CSTF3: variants seen among roughly 807,000 people sequenced by gnomAD.
CSTF3 encodes CF-1 77 kDa subunit.
Under a neutral mutation model 105.8 loss-of-function variants are expected in CSTF3, and 29 were observed. The ratio of observed to expected loss-of-function variants is 0.27; its 90% CI spans 0.20 to 0.37. CSTF3 has a LOEUF of 0.37. CSTF3 is among the 10% of genes least tolerant of loss of function. The pLI is 1.00. For missense variants in CSTF3, 357 were observed against 879.3 expected (o/e 0.41, Z 7.51); for synonymous variants, 252 against 281.9 (o/e 0.89, Z 1.06).
chr11:33,134,347 A>G (rs1855631100), intron 3 of CSTF3: 1 of 152,236 alleles, frequency 6.6e-6, no homozygotes, highest in South Asian at 2.1e-4. Flanking sequence ...CTAAATAATC[A>G]AAGTTTTAAG....
At chr11:33,094,601 T>A (rs1159055183) in intron 15 of CSTF3, among the ~76,000 whole-genome samples, 2 of 152,042 alleles carry the variant, frequency 1.3e-5, no homozygotes, top group Non-Finnish European at 2.9e-5. Context: ...TAAAAAAAAA[T>A]TAGGCAAAAC....
chr11:33,145,609 A>C (rs994895699), intron 1 of CSTF3, among the ~76,000 whole-genome samples: 1 of 151,926 alleles, frequency 6.6e-6, no homozygotes, highest in Admixed American at 6.6e-5. Context: ...TCAGGAGAAC[A>C]GAAACCATCC....
intron 3 of CSTF3, among the ~76,000 whole-genome samples, chr11:33,135,572 T>A (rs537529349): frequency 7.0e-4 from 106 of 152,254 alleles, no homozygotes; most frequent in Non-Finnish European, 1.5e-3. Flanking sequence ...GCTCCAGGGA[T>A]AACAATGTCT....
At chr11:33,131,569 G>T (rs1001575889) in intron 3 of CSTF3, among the ~76,000 whole-genome samples, 2 of 152,136 alleles carry the variant, frequency 1.3e-5, no homozygotes, top group Non-Finnish European at 2.9e-5. Context: ...TGAACAGGCC[G>T]GGTGCGGTGG....
intron 3 of CSTF3, among the ~76,000 whole-genome samples, chr11:33,138,522 C>T (rs577150762): frequency 6.6e-6 from 1 of 151,946 alleles, no homozygotes; most frequent in Non-Finnish European, 1.5e-5. Context: ...TGTTTAAAAC[C>T]TCTCATTTAT....
At chr11:33,102,977 G>C in intron 9 of CSTF3, 130 bp downstream of exon 9, 1 of 609,724 alleles carries the variant, frequency 1.6e-6, no homozygotes, top group Non-Finnish European at 2.9e-6. Context: ...CATCTCCTCA[G>C]ACTTTGCAAT....
At chr11:33,129,633 C>A (rs1161576191) in intron 3 of CSTF3, among the ~76,000 whole-genome samples, 1 of 152,172 alleles carries the variant, frequency 6.6e-6, no homozygotes, top group African/African-American at 2.4e-5. Flanking sequence ...TTTTTGGGAA[C>A]TTTTAAGGAC....
At chr11:33,151,758 T>C (rs1321155009) in intron 1 of CSTF3, among the ~76,000 whole-genome samples, 2 of 152,236 alleles carry the variant, frequency 1.3e-5, no homozygotes, top group Non-Finnish European at 2.9e-5. Flanking sequence ...GTAACTCTTA[T>C]GTTTTACCTT....
intron 3 of CSTF3, among the ~76,000 whole-genome samples, chr11:33,137,464 A>G (rs1182442178): frequency 2.0e-5 from 3 of 151,860 alleles, no homozygotes; most frequent in Non-Finnish European, 4.4e-5. Flanking sequence ...GATAGGGAAA[A>G]GGGATGGAAT....
At chr11:33,103,881 T>C (rs1855303295) in intron 8 of CSTF3, among the ~76,000 whole-genome samples, 1 of 152,210 alleles carries the variant, frequency 6.6e-6, no homozygotes, top group Non-Finnish European at 1.5e-5. Context: ...TCACCCAGGC[T>C]ACAGTGCAGT....
chr11:33,095,234 G>C (rs941846060), intron 15 of CSTF3, among the ~76,000 whole-genome samples: 1 of 152,024 alleles, frequency 6.6e-6, no homozygotes, highest in Non-Finnish European at 1.5e-5. Context: ...TTAGAGACAG[G>C]GTCTTGCTCT....
chr11:33,143,712 G>GC (rs1399369387), intron 1 of CSTF3, among the ~76,000 whole-genome samples: 1 of 152,102 alleles, frequency 6.6e-6, no homozygotes, highest in African/African-American at 2.4e-5. Flanking sequence ...TTGCGCCACT[G>GC]CACTCCAGCC....
In CSTF3 at chr11:33,107,928, T is replaced by C. The variant is rs369649984; in HGVS notation, c.331A>G (p.Thr111Ala). 8 of 1,610,560 alleles carry C rather than the reference T, an allele frequency of 5.0e-6. No individual in the cohort carries two copies. Among genetic ancestry groups the C allele is most frequent in the Non-Finnish European group, 6.8e-6 (8 of 1,178,288 alleles). ...WKCYLSYVRETKGKLPSYKEK... is the reference protein window; with the variant it reads ...WKCYLSYVREAKGKLPSYKEK... Reference sequence around the variant, plus strand: ...TTGTAACTTGGTAGTTTACCCTTGGTTTCTCGGACATATGAAAGATAACAC... The same window carrying C: ...TTGTAACTTGGTAGTTTACCCTTGGCTTCTCGGACATATGAAAGATAACAC... The change falls in exon 5 of 21, where the codon ACC (threonine) becomes GCC (alanine). Residue 111 changes from threonine (T) to alanine (A), a missense_variant. Coordinates refer to ENST00000323959, the MANE Select transcript of CSTF3 (RefSeq NM_001326.3).
At chr11:33,108,880 G>A (rs1382632866) in intron 3 of CSTF3, among the ~76,000 whole-genome samples, 1 of 152,156 alleles carries the variant, frequency 6.6e-6, no homozygotes, top group African/African-American at 2.4e-5. Flanking sequence ...TGCTAGGCGT[G>A]GGGGCTACCA....
intron 10 of CSTF3, among the ~76,000 whole-genome samples, chr11:33,100,395 C>T (rs1057385116): frequency 7.9e-5 from 12 of 151,300 alleles, no homozygotes; most frequent in Non-Finnish European, 1.6e-4. Flanking sequence ...CGGGGTTTCA[C>T]CATGTTGCCA....
rs1352256084 is a variant in CSTF3 at position 33,102,253 on chromosome 11, A to G, written c.750T>C (p.Asp250=). 2 of 1,613,830 alleles carry G rather than the reference A, an allele frequency of 1.2e-6. No homozygotes were observed. Among genetic ancestry groups the G allele is most frequent in the African/African-American group, 1.3e-5 (1 of 74,904 alleles). ...CCCACTGTATATATTTCTTCCACAT[A>G]TCTACTTGTTGAGCTTCTTGAGGAG... is the stretch of plus-strand genomic sequence containing the variant. ...QNTPQEAQQV[D]MWKKYIQWEK... Residue 250 remains aspartate, a synonymous_variant, in exon 10 of 21, where the codon GAT becomes GAC. Coordinates refer to ENST00000323959, the MANE Select transcript of CSTF3 (RefSeq NM_001326.3).
intron 15 of CSTF3, among the ~76,000 whole-genome samples, chr11:33,095,739 T>C (rs1373529650): frequency 6.6e-6 from 1 of 151,022 alleles, no homozygotes; most frequent in Non-Finnish European, 1.5e-5. Context: ...GAGAATGGCG[T>C]GAACCCCAGG....
chr11:33,103,078 C>A, intron 9 of CSTF3, 29 bp downstream of exon 9: 2 of 1,395,062 alleles, frequency 1.4e-6, no homozygotes, highest in South Asian at 2.6e-5. Flanking sequence ...TCATAATAAT[C>A]ATTAAAATAG....
chr11:33,086,876 A>G (rs1389768753), intron 18 of CSTF3, 112 bp downstream of exon 18: 9 of 1,184,314 alleles, frequency 7.6e-6, no homozygotes, highest in Non-Finnish European at 1.1e-5. Flanking sequence ...AGTGATCCTA[A>G]GTCTAATAAT....
Sources: gnomAD v4.1 joint callset for allele counts (sites outside exome capture counted in the v4.1 genomes callset) on GRCh38, gnomAD v4.1.1 for gene constraint, MANE v1.5 for transcripts, NCBI Gene and HGNC (gene_info 2026-07-23, HGNC 2026-07-21) for gene names.